MSRA: variants seen among roughly 807,000 people sequenced by gnomAD.
MSRA encodes the protein methionine sulfoxide reductase A, also known as mitochondrial peptide methionine sulfoxide reductase.
MSRA carries 54 observed loss-of-function variants against 31.3 expected under a neutral mutation model. That is an observed-to-expected ratio of 1.73 (90% CI 1.39 to 2.17). The LOEUF (loss-of-function observed/expected upper bound fraction) is 2.17, where lower values mean the gene tolerates loss of function less well. Among genes scored for constraint, MSRA ranks in the 30% most tolerant of loss-of-function variants. The pLI, the probability that MSRA is intolerant of heterozygous loss-of-function variation, is 0.00. For missense variants in MSRA, 507 were observed against 300.9 expected, an observed-to-expected ratio of 1.69 and a Z score of -5.07; for synonymous variants, 169 against 116.5, an observed-to-expected ratio of 1.45 and a Z score of -2.90.
At chr8:10,373,348 CT>C (rs563266335) in intron 5 of MSRA, among the ~76,000 whole-genome samples, 63 of 152,358 alleles carry the variant, frequency 4.1e-4, no homozygotes, top group African/African-American at 1.3e-3. Flanking sequence ...GAACCCAGGA[CT>C]GTCTGACCAG....
At chr8:10,162,333 C>A (rs577199387) in intron 1 of MSRA, among the ~76,000 whole-genome samples, 2 of 152,298 alleles carry the variant, frequency 1.3e-5, no homozygotes, top group African/African-American at 4.8e-5. Context: ...CTCTTTCTCT[C>A]CTTGCACCAT....
chr8:10,160,802 A>G (rs2129041891), intron 1 of MSRA, among the ~76,000 whole-genome samples: 1 of 152,314 alleles, frequency 6.6e-6, no homozygotes, highest in South Asian at 2.1e-4. Context: ...TGCTGGGATT[A>G]CAGGCATGAG....
At chr8:10,212,658 G>A (rs1207001089) in intron 2 of MSRA, among the ~76,000 whole-genome samples, 3 of 152,134 alleles carry the variant, frequency 2.0e-5, no homozygotes, top group Non-Finnish European at 4.4e-5. Flanking sequence ...TTTTACAGTT[G>A]CAGTTTTAAT....
intron 1 of MSRA, among the ~76,000 whole-genome samples, chr8:10,181,495 A>G (rs1007058579): frequency 7.2e-5 from 11 of 152,094 alleles, no homozygotes; most frequent in South Asian, 2.1e-4. Flanking sequence ...CCCATCAGGG[A>G]TAGATTCTAG....
At position 10,054,489 on chromosome 8, in the gene MSRA, G is replaced by C. The variant is rs776296031; in HGVS notation, c.-28G>C. ...TCCGCTGCCGGTAGCGCCGTCCCCC[G>C]GGACCACCCTTCGGCTGGCGCCCTC... On this transcript the variant is annotated 5_prime_UTR_variant, in exon 1 of 6. Coordinates refer to ENST00000317173, the MANE Select transcript of MSRA (RefSeq NM_012331.5). The C allele has an allele frequency of 3.5e-5, 53 of 1,496,674 alleles. No individual in the cohort carries two copies. Among genetic ancestry groups the C allele is most frequent in the Admixed American group, 2.5e-4 (13 of 51,106 alleles). The allele number at this position is 1,496,674 out of a possible 1,614,324, so 92.7% of individuals were successfully genotyped here.
At chr8:10,378,479 G>T (rs1805874171) in intron 5 of MSRA, among the ~76,000 whole-genome samples, 1 of 152,208 alleles carries the variant, frequency 6.6e-6, no homozygotes, top group Non-Finnish European at 1.5e-5. Context: ...TATCAGGGTG[G>T]CATCTCCAGT....
At position 10,171,523 on chromosome 8, in the gene MSRA, G is replaced by C. The variant is rs534404095; in HGVS notation, c.143-36310G>C. Among the ~76,000 whole-genome samples the C allele has an allele frequency of 3.3e-5, 5 of 152,270 alleles. No individual in the cohort carries two copies. In the South Asian group the frequency reaches 1.0e-3, roughly 32 times the overall value. The stretch of plus-strand genomic sequence containing the variant: ...TTTGATGATAAGACATCAAGTAACT[G>C]TTACTACTGAGTAAAATGTAAGAAG... On this transcript the variant is annotated intron_variant, in intron 1 of 5. Transcript: ENST00000317173.
chr8:10,180,507 A>G (rs1184139710), intron 1 of MSRA, among the ~76,000 whole-genome samples: 1 of 152,126 alleles, frequency 6.6e-6, no homozygotes, highest in African/African-American at 2.4e-5. Flanking sequence ...GAAACTTCCA[A>G]TCCTCTAATG....
chr8:10,220,704 T>C (rs1024088703), intron 2 of MSRA, among the ~76,000 whole-genome samples: 1 of 152,208 alleles, frequency 6.6e-6, no homozygotes, highest in African/African-American at 2.4e-5. Flanking sequence ...CCATCTTTCT[T>C]CCAGCACCCT....
At chr8:10,252,265 A>C (rs988859410) in intron 3 of MSRA, among the ~76,000 whole-genome samples, 1 of 152,130 alleles carries the variant, frequency 6.6e-6, no homozygotes, top group Admixed American at 6.5e-5. Flanking sequence ...CACCCAAAAG[A>C]AGTTCGAATC....
rs952673785 is a variant in MSRA at position 10,370,522 on chromosome 8, A to G, written c.543+50533A>G. On this transcript the variant is annotated intron_variant, in intron 5 of 5. Coordinates refer to ENST00000317173, the MANE Select transcript of MSRA (RefSeq NM_012331.5). Reference sequence around the variant, plus strand: ...ATGTAATGTTGGTTGTCATTTAATCATTTATTCATCCAGCAATAATTACTG... The same window carrying G: ...ATGTAATGTTGGTTGTCATTTAATCGTTTATTCATCCAGCAATAATTACTG... Among the ~76,000 whole-genome samples the G allele has an allele frequency of 5.6e-4, 85 of 152,218 alleles. 2 individuals are homozygous for G. The highest frequency in any genetic ancestry group is 5.2e-3 in the Admixed American group (80 of 15,276).
chr8:10,266,571 C>T (rs2952186), intron 3 of MSRA, among the ~76,000 whole-genome samples: 125,817 of 151,718 alleles, frequency 0.83, 52,409 homozygotes, highest in East Asian at 0.96. Context: ...TTTTGAAAAG[C>T]AGAACTTCTA....
At chr8:10,405,883 C>G (rs1021459792) in intron 5 of MSRA, among the ~76,000 whole-genome samples, 1 of 152,220 alleles carries the variant, frequency 6.6e-6, no homozygotes, top group Admixed American at 6.5e-5. Flanking sequence ...ACAATATTCA[C>G]ACATGTTCAC....
At chr8:10,247,680 G>A (rs1453320911) in intron 3 of MSRA, among the ~76,000 whole-genome samples, 7 of 152,174 alleles carry the variant, frequency 4.6e-5, no homozygotes, top group Non-Finnish European at 1.5e-5. Flanking sequence ...GCATTGGGAA[G>A]CATGGTTGTC....
intron 2 of MSRA, among the ~76,000 whole-genome samples, chr8:10,238,771 T>C (rs534920776): frequency 2.0e-5 from 3 of 152,314 alleles, no homozygotes; most frequent in Admixed American, 2.0e-4. Flanking sequence ...CCATATGGTC[T>C]AACAACCTAA....
At chr8:10,207,804 A>C (rs1312347375) in intron 1 of MSRA, 29 bp from the exon 2 acceptor site, 3 of 1,589,252 alleles carry the variant, frequency 1.9e-6, no homozygotes, top group Non-Finnish European at 1.7e-6. Context: ...TTTACACTTA[A>C]ACTTGCATTT....
rs543632454 is a variant in MSRA, at chr8:10,254,891, A to G, written c.331+9668A>G. On this transcript the variant is annotated intron_variant, in intron 3 of 5. Transcript: ENST00000317173. ...AATCTAGAGATCTGGAAGCGTTTAG[A>G]TGGATGTGATCTACAGAAACACGGG... Among the ~76,000 whole-genome samples the G allele has an allele frequency of 7.9e-5, 12 of 152,356 alleles. No individual in the cohort carries two copies. The East Asian group carries it at 2.1e-3, about 27-fold the overall frequency.
chr8:10,400,048 C>G (rs142683650), intron 5 of MSRA, among the ~76,000 whole-genome samples: 8 of 152,100 alleles, frequency 5.3e-5, no homozygotes, highest in Non-Finnish European at 1.2e-4. Context: ...GGACTAGCAG[C>G]CATTTCAGTG....
intron 1 of MSRA, among the ~76,000 whole-genome samples, chr8:10,127,009 G>T (rs547645136): frequency 6.6e-6 from 1 of 152,342 alleles, no homozygotes; most frequent in Non-Finnish European, 1.5e-5. Flanking sequence ...TGGTCCACTA[G>T]CTAGGGGTTG....
Sources: allele counts gnomAD v4.1 joint callset (sites outside exome capture counted in the v4.1 genomes callset), GRCh38; gene constraint gnomAD v4.1.1; transcripts MANE v1.5; gene names NCBI Gene and HGNC (gene_info 2026-07-23, HGNC 2026-07-21).